The following H2BC5 variants were observed in gnomAD, a reference collection of about 807,000 sequenced individuals.
The protein encoded by H2BC5 is histone H2B type 1-D.
H2BC5 carries 9 observed loss-of-function variants against 5.7 expected under a neutral mutation model. The observed-to-expected ratio is 1.57, with a 90% confidence interval of 0.95 to 2.74. The LOEUF (loss-of-function observed/expected upper bound fraction) is 2.74, where lower values mean the gene tolerates loss of function less well. Ranked by LOEUF, H2BC5 falls within the 30% of genes most tolerant of loss-of-function variation. H2BC5 has a pLI of 0.00. For missense variants in H2BC5, 175 were observed against 168.8 expected (o/e 1.04, Z -0.20); for synonymous variants, 133 against 70.9 (o/e 1.88, Z -4.40).
intron 1 of H2BC5, among the ~76,000 whole-genome samples, chr6:26,165,982 C>G (rs190259776): frequency 2.4e-4 from 37 of 152,320 alleles, no homozygotes; most frequent in African/African-American, 8.4e-4. Context: ...TCATCAGAAG[C>G]TAGGGAGGGT....
downstream of H2BC5, chr6:26,158,629 AATC>A: frequency 6.4e-7 from 1 of 1,567,684 alleles, no homozygotes; most frequent in Non-Finnish European, 8.6e-7. Context: ...AATGAGTTGT[AATC>A]ATTTCATTCA....
downstream of H2BC5, among the ~76,000 whole-genome samples, chr6:26,162,794 G>A (rs1050095952): frequency 3.9e-5 from 6 of 152,092 alleles, no homozygotes; most frequent in African/African-American, 7.2e-5. Flanking sequence ...CCACCATGGG[G>A]TCCCAAAGTG....
In H2BC5 at chr6:26,158,488, C is replaced by T. The variant is rs763162882; in HGVS notation, c.319C>T (p.Leu107=). 8 of 1,614,144 alleles carry T rather than the reference C, an allele frequency of 5.0e-6. No homozygotes were observed. Among genetic ancestry groups the T allele is most frequent in the African/African-American group, 2.7e-5 (2 of 74,952 alleles). The change falls in exon 1 of 1, where the codon CTG becomes TTG. Residue 107 remains leucine (L), a synonymous_variant. Coordinates refer to ENST00000377777, the MANE Select transcript of H2BC5 (RefSeq NM_021063.4). ...TAVRLLLPGE[L]AKHAVSEGTK... ...CGTGCGCCTGCTGCTTCCGGGGGAGCTGGCCAAGCACGCCGTGTCGGAGGG... is the reference window on the plus strand; with the variant it reads ...CGTGCGCCTGCTGCTTCCGGGGGAGTTGGCCAAGCACGCCGTGTCGGAGGG...
downstream of H2BC5, among the ~76,000 whole-genome samples, chr6:26,159,073 G>A (rs1406741171): frequency 6.6e-6 from 1 of 152,090 alleles, no homozygotes; most frequent in Non-Finnish European, 1.5e-5. Context: ...TATTACAAAG[G>A]TTTCTGATTT....
intron 1 of H2BC5, among the ~76,000 whole-genome samples, chr6:26,166,590 C>A (rs751305244): frequency 1.3e-5 from 2 of 151,744 alleles, no homozygotes; most frequent in Non-Finnish European, 2.9e-5. Flanking sequence ...CCATCTTCTT[C>A]ACACACATTC....
downstream of H2BC5, chr6:26,158,697 T>C (rs1764285979): frequency 7.9e-7 from 1 of 1,269,344 alleles, no homozygotes; most frequent in African/African-American, 1.5e-5. Context: ...GTTACGTTAG[T>C]ACTGCAGAGG....
chr6:26,159,932 C>T (rs1764325315), downstream of H2BC5, among the ~76,000 whole-genome samples: 1 of 152,194 alleles, frequency 6.6e-6, no homozygotes, highest in African/African-American at 2.4e-5. Context: ...CTACAGCTGG[C>T]TTTTACTCAA....
At chr6:26,167,042 G>A (rs199967498) in intron 1 of H2BC5, among the ~76,000 whole-genome samples, 2 of 95,386 alleles carry the variant, frequency 2.1e-5, no homozygotes, top group African/African-American at 7.7e-5. Flanking sequence ...TCTTTTTTTT[G>A]TTTTCTCTTT....
chr6:26,169,348 C>T (rs1362465988), intron 1 of H2BC5, among the ~76,000 whole-genome samples: 2 of 152,098 alleles, frequency 1.3e-5, no homozygotes, highest in South Asian at 2.1e-4. Context: ...AGAAGACTTA[C>T]AGCTAATGGT....
chr6:26,159,747 TAAAC>T (rs748346538), downstream of H2BC5, among the ~76,000 whole-genome samples: 12 of 152,140 alleles, frequency 7.9e-5, no homozygotes, highest in South Asian at 2.1e-4. Flanking sequence ...CATGCCCTCA[TAAAC>T]AAACACGAAA....
chr6:26,158,604 C>A lies in H2BC5; in HGVS notation c.*54C>A. ...ATCCCAAAGGCTCTTTTAAGAGCCA[C>A]GCATGTTTTCAATAAATGAGTTGTA... On this transcript the variant is annotated 3_prime_UTR_variant, in exon 1 of 1. Coordinates refer to ENST00000377777, the MANE Select transcript of H2BC5 (RefSeq NM_021063.4). 1 of 1,591,544 alleles carries A rather than the reference C, an allele frequency of 6.3e-7. No individual in the cohort carries two copies. Among genetic ancestry groups the A allele is most frequent in the East Asian group, 2.2e-5 (1 of 44,694 alleles).
In H2BC5 at chr6:26,158,164, G is replaced by T. The variant is rs541132465; in HGVS notation, c.-6G>T. On this transcript the variant is annotated 5_prime_UTR_variant, in exon 1 of 1. Coordinates refer to ENST00000377777, the MANE Select transcript of H2BC5 (RefSeq NM_021063.4). ...TTGCAACAGTGTTCTAACTATTAAC[G>T]CTACGATGCCTGAACCTACCAAGTC... The T allele has an allele frequency of 3.1e-6, 5 of 1,611,528 alleles. No individual in the cohort carries two copies. Among genetic ancestry groups the T allele is most frequent in the East Asian group, 4.5e-5 (2 of 44,874 alleles).
chr6:26,167,622 G>T (rs1764451079), intron 1 of H2BC5, among the ~76,000 whole-genome samples: 2 of 151,994 alleles, frequency 1.3e-5, no homozygotes, highest in Non-Finnish European at 2.9e-5. Context: ...GGTGAGGGTT[G>T]TTTTTTTCAA....
At position 26,158,189 on chromosome 6, in the gene H2BC5, C is replaced by T; in HGVS notation, c.20C>T (p.Ser7Phe). ...GCTACGATGCCTGAACCTACCAAGT[C>T]TGCTCCTGCCCCAAAGAAGGGCTCC... is the stretch of plus-strand genomic sequence containing the variant. MPEPTK[S>F]APAPKKGSKK... The change falls in exon 1 of 1, where the codon TCT (serine) becomes TTT (phenylalanine). Residue 7 changes from serine (S) to phenylalanine (F), a missense_variant. Ser to Phe is a radical substitution (Grantham distance 155). Coordinates refer to ENST00000377777, the MANE Select transcript of H2BC5 (RefSeq NM_021063.4). The T allele has an allele frequency of 6.2e-7, 1 of 1,614,136 alleles. No individual in the cohort carries two copies. Among genetic ancestry groups the T allele is most frequent in the African/African-American group, 1.3e-5 (1 of 75,030 alleles).
At chr6:26,167,557 G>A (rs1764449830) in intron 1 of H2BC5, among the ~76,000 whole-genome samples, 1 of 152,184 alleles carries the variant, frequency 6.6e-6, no homozygotes, top group Non-Finnish European at 1.5e-5. Flanking sequence ...AAGTAAGTAA[G>A]CTGCTTAGAA....
At chr6:26,159,262 T>G (rs890612545), downstream of H2BC5, among the ~76,000 whole-genome samples, 89 of 143,996 alleles carry the variant, frequency 6.2e-4, no homozygotes, top group East Asian at 3.0e-3. Flanking sequence ...TTTTTTTTTT[T>G]TTTTTTTTTT....
chr6:26,160,876 A>G (rs1229516982), downstream of H2BC5: 1 of 151,338 alleles, frequency 6.6e-6, no homozygotes, highest in East Asian at 1.9e-4. Context: ...CTCAAAAAAA[A>G]AAAAAAACAG....
intron 1 of H2BC5, among the ~76,000 whole-genome samples, chr6:26,168,390 A>G (rs946475376): frequency 6.6e-5 from 10 of 152,050 alleles, no homozygotes; most frequent in African/African-American, 2.4e-4. Context: ...CCCGGGAGGC[A>G]GAGGTTGTGG....
chr6:26,168,183 G>A lies in H2BC5; in HGVS notation c.*10-2792G>A, dbSNP rs74419836. Among the ~76,000 whole-genome samples, 19 of 152,072 alleles carry A rather than the reference G, an allele frequency of 1.2e-4. No homozygotes were observed. In the East Asian group the frequency reaches 3.7e-3, roughly 29 times the overall value. On this transcript the variant is annotated intron_variant, in intron 1 of 1. Coordinates refer to the H2BC5 transcript ENST00000289316. ...GTATAAAAATAAAAACTTGGGCCAG[G>A]CCCAGTGGCTCAAGCCTGTAATACC... is the stretch of plus-strand genomic sequence containing the variant.
Sources: allele counts gnomAD v4.1 joint callset (sites outside exome capture counted in the v4.1 genomes callset), GRCh38; gene constraint gnomAD v4.1.1; transcripts MANE v1.5; gene names NCBI Gene and HGNC (gene_info 2026-07-23, HGNC 2026-07-21).